DENND5B: variants seen among roughly 807,000 people sequenced by gnomAD.
DENND5B encodes the protein DENN domain containing 5B, also known as DENN domain-containing protein 5B.
A neutral mutation model predicts 140.6 loss-of-function variants in DENND5B; 34 were observed. The ratio of observed to expected loss-of-function variants is 0.24; its 90% CI spans 0.18 to 0.32. The LOEUF is 0.32. DENND5B is among the 10% of genes least tolerant of loss of function. The probability of loss-of-function intolerance (pLI) is 1.00; values close to 1 mark genes in which losing one functional copy is unlikely to be tolerated. For synonymous variants in DENND5B, 551 were observed against 562.1 expected (o/e 0.98, Z 0.28); for missense variants, 1,142 against 1,560.2 (o/e 0.73, Z 4.52).
chr12:31,440,118 A>T lies in DENND5B; in HGVS notation c.2012+2657T>A, dbSNP rs533713374. 1.8e-4 allele frequency among the ~76,000 whole-genome samples: 27 copies of T among 152,276 alleles called. No individual in the cohort carries two copies. In the East Asian group the frequency reaches 2.7e-3, roughly 15 times the overall value. On this transcript the variant is annotated intron_variant, in intron 7 of 20. Coordinates refer to ENST00000389082, the MANE Select transcript of DENND5B (RefSeq NM_144973.4). ...CCACTTCTGAAAAATAGAATATTGT[A>T]TCTAGTACCATTATCTGGAAAGTTT...
rs1349042065 is a variant in DENND5B, at chr12:31,480,117, T to G, written c.376A>C (p.Lys126Gln). The G allele has an allele frequency of 6.2e-7, 1 of 1,613,300 alleles. No homozygotes were observed. The highest frequency in any genetic ancestry group is 8.5e-7 in the Non-Finnish European group (1 of 1,179,526). Reference protein sequence around the residue: ...VLTFYEEVTSKQICTAMQTLY... With the variant: ...VLTFYEEVTSQQICTAMQTLY... ...GTCTGCATTGCTGTGCAGATTTGCT[T>G]ACTTGTAACTTCTTCATAAAAAGTG... Residue 126 changes from lysine to glutamine, a missense_variant, in exon 3 of 21, where the codon AAG becomes CAG. Lys to Gln is a moderately conservative substitution (Grantham distance 53). Coordinates refer to ENST00000389082, the MANE Select transcript of DENND5B (RefSeq NM_144973.4).
chr12:31,541,097 T>C (rs773053725), intron 1 of DENND5B: 5 of 431,066 alleles, frequency 1.2e-5, no homozygotes, highest in Non-Finnish European at 1.8e-5. Flanking sequence ...CCTCAAACTA[T>C]GAAACTACTA....
chr12:31,443,503 G>T (rs1276304256), intron 6 of DENND5B, among the ~76,000 whole-genome samples: 1 of 152,034 alleles, frequency 6.6e-6, no homozygotes, highest in Non-Finnish European at 1.5e-5. Context: ...AGGGCCGCGG[G>T]GATGAAAAGC....
At chr12:31,580,959 G>C (rs546180623) in intron 1 of DENND5B, among the ~76,000 whole-genome samples, 1 of 151,994 alleles carries the variant, frequency 6.6e-6, no homozygotes, top group South Asian at 2.1e-4. Flanking sequence ...TTTTTAATCA[G>C]TCAGGCATAG....
At position 31,520,643 on chromosome 12, in the gene DENND5B, C is replaced by T. The variant is rs527320295; in HGVS notation, c.128-24724G>A. The stretch of plus-strand genomic sequence containing the variant: ...GCAACCTCCACCTCCTGGGTTCAAG[C>T]GATTCTCCTGCCTCAGCCTCCCGAC... On this transcript the variant is annotated intron_variant, in intron 1 of 20. Transcript: ENST00000389082. Among the ~76,000 whole-genome samples the T allele has an allele frequency of 1.1e-3, 174 of 152,108 alleles. 1 individual carries two copies. Among genetic ancestry groups the T allele is most frequent in the Non-Finnish European group, 1.4e-3 (94 of 67,986 alleles).
chr12:31,590,877 A>G lies in DENND5B; in HGVS notation c.-45T>C. 1 of 1,186,016 alleles carries G rather than the reference A, an allele frequency of 8.4e-7. No homozygotes were observed. Among genetic ancestry groups the G allele is most frequent in the Non-Finnish European group, 1.0e-6 (1 of 961,540 alleles). The allele number at this position is 1,186,016 out of a possible 1,614,324, so 73.5% of individuals were successfully genotyped here. A position where few individuals can be genotyped will look rare whatever the true frequency, so the allele number is the denominator to read the frequency against. On this transcript the variant is annotated 5_prime_UTR_variant, in exon 1 of 21. Transcript: ENST00000389082. ...GGGCCGCCGCCGCCGCCGCCCGGGA[A>G]GGCTTTCTGCGGAGGCTGCCACCAC...
intron 1 of DENND5B, among the ~76,000 whole-genome samples, chr12:31,524,054 T>C (rs1947999505): frequency 6.6e-6 from 1 of 151,322 alleles, no homozygotes; most frequent in Admixed American, 6.6e-5. Context: ...TTTTTTTTTT[T>C]TTTTTTTTTA....
intron 1 of DENND5B, among the ~76,000 whole-genome samples, chr12:31,519,106 A>G (rs1368889090): frequency 6.6e-6 from 1 of 152,226 alleles, no homozygotes; most frequent in Non-Finnish European, 1.5e-5. Context: ...TATCCTGTGG[A>G]AATGACTTCG....
At chr12:31,483,859 TC>T (rs1359431207) in intron 2 of DENND5B, among the ~76,000 whole-genome samples, 1 of 150,820 alleles carries the variant, frequency 6.6e-6, no homozygotes, top group African/African-American at 2.4e-5. Context: ...AGTTTTCTTT[TC>T]TTTTCTTTTT....
chr12:31,490,008 G>A (rs1441581608), intron 2 of DENND5B, among the ~76,000 whole-genome samples: 1 of 152,132 alleles, frequency 6.6e-6, no homozygotes. Flanking sequence ...TTTGGACCAA[G>A]GTGAGTATAC....
chr12:31,587,526 CTTTTTT>C (rs71460995), intron 1 of DENND5B, among the ~76,000 whole-genome samples: 1,091 of 75,034 alleles, frequency 0.015, 135 homozygotes, highest in African/African-American at 0.04. Context: ...CCACAAATAC[CTTTTTT>C]TTTTTTTTTT....
rs749147860 is a variant in DENND5B at position 31,409,331 on chromosome 12, A to G, written c.2735T>C (p.Phe912Ser). The change falls in exon 14 of 21, where the codon TTT becomes TCT. Residue 912 changes from phenylalanine (F) to serine (S), a missense_variant. Phe to Ser is a radical substitution (Grantham distance 155, BLOSUM62 -2). Around this residue, in one of 5 missense-constraint regions of DENND5B, gnomAD observed 268 missense variants for 349.2 expected, o/e 0.77. Coordinates refer to ENST00000389082, the MANE Select transcript of DENND5B (RefSeq NM_144973.4). Reference protein sequence around the residue: ...FLRCEEEREQFLYHLLSLNAV... With the variant: ...FLRCEEEREQSLYHLLSLNAV... ...ATTGAGAGAAAGAAGGTGGTAAAGAAACTGCTCTCTTTCTTCTTCGCAACG... is the reference window on the plus strand; with the variant it reads ...ATTGAGAGAAAGAAGGTGGTAAAGAGACTGCTCTCTTTCTTCTTCGCAACG... 1.9e-6 allele frequency: 3 copies of G among 1,566,508 alleles called. No homozygotes were observed. The highest frequency in any genetic ancestry group is 2.6e-6 in the Non-Finnish European group (3 of 1,154,626).
intron 9 of DENND5B, 56 bp from the exon 10 acceptor site, chr12:31,424,743 A>G (rs779820747): frequency 2.5e-6 from 4 of 1,582,454 alleles, no homozygotes; most frequent in Middle Eastern, 1.7e-4. Context: ...AAAAACCAAC[A>G]AGTCAATTAC....
intron 14 of DENND5B, among the ~76,000 whole-genome samples, chr12:31,406,143 G>C (rs2037929319): frequency 6.6e-6 from 1 of 151,962 alleles, no homozygotes; most frequent in Non-Finnish European, 1.5e-5. Context: ...ACCATGCCCA[G>C]CCATTTTTTT....
intron 1 of DENND5B, among the ~76,000 whole-genome samples, chr12:31,564,186 T>TTA (rs1220748964): frequency 1.3e-5 from 2 of 152,114 alleles, no homozygotes; most frequent in East Asian, 1.9e-4. Context: ...AGATAAAATA[T>TTA]TATATATATA....
rs148214046 is a variant in DENND5B at position 31,564,517 on chromosome 12, T to C, written c.127+26189A>G. Among the ~76,000 whole-genome samples the C allele has an allele frequency of 4.6e-4, 70 of 151,568 alleles. No individual in the cohort carries two copies. The East Asian group carries it at 0.013, about 28-fold the overall frequency. ...TAATGCTTCCTTACATAATTTATCA[T>C]GCACTTTTCAGTTCCCTTCCACTAC... On this transcript the variant is annotated intron_variant, in intron 1 of 20. Coordinates refer to ENST00000389082, the MANE Select transcript of DENND5B (RefSeq NM_144973.4).
intron 3 of DENND5B, among the ~76,000 whole-genome samples, chr12:31,473,412 T>C (rs138943293): frequency 2.6e-5 from 4 of 152,338 alleles, no homozygotes; most frequent in African/African-American, 7.2e-5. Flanking sequence ...TTCTCCTACC[T>C]AGTACAGTAA....
chr12:31,478,161 A>C (rs2138519681), intron 3 of DENND5B, among the ~76,000 whole-genome samples: 1 of 152,322 alleles, frequency 6.6e-6, no homozygotes, highest in Middle Eastern at 3.4e-3. Flanking sequence ...ACAAAAATTG[A>C]GACATGAAAC....
rs538544871 is a variant in DENND5B at position 31,543,731 on chromosome 12, T to A, written c.127+46975A>T. On this transcript the variant is annotated intron_variant, in intron 1 of 20. Coordinates refer to ENST00000389082, the MANE Select transcript of DENND5B (RefSeq NM_144973.4). ...AAACAGAAAGGGAATGTTTATTCAA[T>A]AAACACAGACTGGAACATGTGGCTG... is the stretch of plus-strand genomic sequence containing the variant. Among the ~76,000 whole-genome samples, 4 of 152,208 alleles carry A rather than the reference T, an allele frequency of 2.6e-5. No individual in the cohort carries two copies. The East Asian group carries it at 7.7e-4, about 29-fold the overall frequency.
Sources: allele counts gnomAD v4.1 joint callset (sites outside exome capture counted in the v4.1 genomes callset), GRCh38; gene constraint gnomAD v4.1.1; regional missense constraint gnomAD v4.1.1; transcripts MANE v1.5; gene names NCBI Gene and HGNC (gene_info 2026-07-23, HGNC 2026-07-21).